Variants in COL11A1 observed in about 807,000 individuals in gnomAD.
COL11A1 encodes the protein collagen alpha-1(XI) chain.
Under a neutral mutation model 265.2 loss-of-function variants are expected in COL11A1, and 74 were observed. That is an observed-to-expected ratio of 0.28 (90% CI 0.23 to 0.34). COL11A1 has a LOEUF of 0.34. COL11A1 is among the 10% of genes least tolerant of loss of function. The pLI is 1.00. For synonymous variants in COL11A1, 816 were observed against 727.6 expected (o/e 1.12, Z -1.96); for missense variants, 2,165 against 2,263.6 (o/e 0.96, Z 0.88).
At chr1:102,924,489 T>G (rs1412568684) in intron 46 of COL11A1, among the ~76,000 whole-genome samples, 1 of 152,220 alleles carries the variant, frequency 6.6e-6, no homozygotes, top group Admixed American at 6.5e-5. Flanking sequence ...ATAAATTTTC[T>G]TATGTCACTT....
At chr1:102,908,218 AT>A (rs893169645) in intron 54 of COL11A1, among the ~76,000 whole-genome samples, 4 of 151,848 alleles carry the variant, frequency 2.6e-5, no homozygotes, top group African/African-American at 7.3e-5. Context: ...CCTTTGGCAT[AT>A]TTTTTTCTAT....
Position 103,108,457 on chromosome 1 carries a change from C to G in COL11A1, c.-279G>C. The G allele has an allele frequency of 3.3e-6, 2 of 599,044 alleles. No individual in the cohort carries two copies. Among genetic ancestry groups the G allele is most frequent in the South Asian group, 2.0e-5 (1 of 49,136 alleles). The allele number at this position is 599,044 out of a possible 1,614,324, so 37.1% of individuals were successfully genotyped here. On this transcript the variant is annotated 5_prime_UTR_variant, in exon 1 of 67. Coordinates refer to ENST00000370096, the MANE Select transcript of COL11A1 (RefSeq NM_001854.4). ...CCGGGCCCTGCCTTCAGAATGAAGG[C>G]AGATGAGGGGCTTCCACCAACAAGC...
At chr1:103,100,873 A>T (rs1168189055) in intron 1 of COL11A1, among the ~76,000 whole-genome samples, 1 of 151,912 alleles carries the variant, frequency 6.6e-6, no homozygotes. Flanking sequence ...CATGGGTAAA[A>T]TCAGTATTTT....
chr1:102,934,440 T>A lies in COL11A1; in HGVS notation c.3600+9A>T. The A allele has an allele frequency of 1.9e-6, 3 of 1,577,532 alleles. No individual in the cohort carries two copies. The highest frequency in any genetic ancestry group is 8.7e-7 in the Non-Finnish European group (1 of 1,146,712). Reference sequence around the variant, plus strand: ...AATGATGGAGTAAACAATGACAGGATCATCTTACCTGAAGACCTATTGGAC... The same window carrying A: ...AATGATGGAGTAAACAATGACAGGAACATCTTACCTGAAGACCTATTGGAC... On this transcript the variant is annotated intron_variant, in intron 46 of 66. Coordinates refer to ENST00000370096, the MANE Select transcript of COL11A1 (RefSeq NM_001854.4).
rs1020237120 is a variant in COL11A1, at chr1:102,940,558, A to G, written c.3277-124T>C. On this transcript the variant is annotated intron_variant, in intron 42 of 66. Coordinates refer to ENST00000370096, the MANE Select transcript of COL11A1 (RefSeq NM_001854.4). ...GTTTTTTAGAAAAACATTTTAAAGA[A>G]TAAATGATACATGTTCCCTACCTTC... 5 of 721,800 alleles carry G rather than the reference A, an allele frequency of 6.9e-6. No homozygotes were observed. The East Asian group carries it at 1.3e-4, about 19-fold the overall frequency. 44.7% of individuals were successfully genotyped at this position (721,800 alleles called of 1,614,324 possible).
chr1:102,881,796 T>A (rs773568257), intron 64 of COL11A1, 31 bp from the exon 65 acceptor site: 18 of 1,545,728 alleles, frequency 1.2e-5, no homozygotes, highest in Non-Finnish European at 1.6e-5. Flanking sequence ...AGTTAGTGAG[T>A]AGGTGAAAAT....
At chr1:102,878,418 CTT>C (rs966851300) in intron 66 of COL11A1, among the ~76,000 whole-genome samples, 4 of 132,616 alleles carry the variant, frequency 3.0e-5, no homozygotes, top group African/African-American at 5.5e-5. Flanking sequence ...TAAAAAGAGT[CTT>C]GAGTTTCATA....
At chr1:103,023,691 A>G (rs1033799690) in intron 7 of COL11A1, among the ~76,000 whole-genome samples, 2 of 152,146 alleles carry the variant, frequency 1.3e-5, no homozygotes, top group Non-Finnish European at 2.9e-5. Context: ...ACAGAACATC[A>G]TTATGAAATA....
intron 1 of COL11A1, among the ~76,000 whole-genome samples, chr1:103,084,857 G>A (rs1010403541): frequency 2.0e-5 from 3 of 152,144 alleles, no homozygotes; most frequent in African/African-American, 4.8e-5. Context: ...ATATAAACCA[G>A]AGTTAAGTTC....
chr1:102,879,358 A>T (rs778404238), intron 66 of COL11A1, among the ~76,000 whole-genome samples: 2 of 152,188 alleles, frequency 1.3e-5, no homozygotes, highest in East Asian at 3.9e-4. Flanking sequence ...TAAGGAGGCA[A>T]ATGAAATAAG....
Position 103,085,779 on chromosome 1 carries a change from T to C in COL11A1, c.107-2807A>G, listed in dbSNP as rs190839204. 2.2e-3 allele frequency among the ~76,000 whole-genome samples: 330 copies of C among 152,334 alleles called. 2 individuals carry two copies. Among genetic ancestry groups the C allele is most frequent in the Non-Finnish European group, 2.6e-3 (179 of 68,028 alleles). On this transcript the variant is annotated intron_variant, in intron 1 of 66. Transcript: ENST00000370096. ...TATGTTTTTAAGCCAATAGGATATC[T>C]GTTTTATATGTGTTATTTTCTCTTA...
At chr1:102,962,305 C>T (rs1342336509) in intron 39 of COL11A1, 40 bp from the exon 40 acceptor site, 2 of 1,460,882 alleles carry the variant, frequency 1.4e-6, no homozygotes, top group African/African-American at 2.8e-5. Context: ...AGATTAATTT[C>T]TACACATCTT....
At chr1:102,954,111 C>T (rs1328526106) in intron 41 of COL11A1, among the ~76,000 whole-genome samples, 1 of 152,072 alleles carries the variant, frequency 6.6e-6, no homozygotes, top group Non-Finnish European at 1.5e-5. Context: ...GAAAAGTGAA[C>T]ATTTACATGC....
rs529640514 is a variant in COL11A1, at chr1:103,003,336, A to G, written c.1945-68T>C. 9 of 1,443,548 alleles carry G rather than the reference A, an allele frequency of 6.2e-6. No homozygotes were observed. In the East Asian group the frequency reaches 1.2e-4, roughly 19 times the overall value. 89.4% of individuals were successfully genotyped at this position (1,443,548 alleles called of 1,614,324 possible). On this transcript the variant is annotated intron_variant, in intron 20 of 66. Coordinates refer to ENST00000370096, the MANE Select transcript of COL11A1 (RefSeq NM_001854.4). Reference sequence around the variant, plus strand: ...ATGTCCTAATAACATGCCTCTTTCAATGAAGAAATCCTAAGGTTATTTTTA... The same window carrying G: ...ATGTCCTAATAACATGCCTCTTTCAGTGAAGAAATCCTAAGGTTATTTTTA...
intron 14 of COL11A1, 62 bp downstream of exon 14, chr1:103,012,351 T>C (rs1425664581): frequency 2.4e-6 from 3 of 1,228,938 alleles, no homozygotes; most frequent in African/African-American, 1.5e-5. Flanking sequence ...CTGGAAGAAG[T>C]TGCACAGGGA....
Position 102,886,750 on chromosome 1 carries a change from G to A in COL11A1, c.4858+57C>T, listed in dbSNP as rs1300941963. On this transcript the variant is annotated intron_variant, in intron 63 of 66. Transcript: ENST00000370096. ...TAACTAGAATGAATGAGCTGCCAATGCACCTCAGAAACTCAGGGGCTCGGT... is the reference window on the plus strand; with the variant it reads ...TAACTAGAATGAATGAGCTGCCAATACACCTCAGAAACTCAGGGGCTCGGT... 3.1e-6 allele frequency: 5 copies of A among 1,608,376 alleles called. No homozygotes were observed. In the East Asian group the frequency reaches 1.1e-4, roughly 36 times the overall value.
chr1:102,917,802 G>T (rs531451519), intron 49 of COL11A1, among the ~76,000 whole-genome samples: 1 of 151,644 alleles, frequency 6.6e-6, no homozygotes, highest in South Asian at 2.1e-4. Context: ...AATGCTTGAG[G>T]TGATAAAAAA....
chr1:102,984,288 G>T, intron 30 of COL11A1, 97 bp from the exon 31 acceptor site: 2 of 752,694 alleles, frequency 2.7e-6, no homozygotes, highest in Non-Finnish European at 4.3e-6. Context: ...ATCACATATT[G>T]TACACTCAAA....
intron 4 of COL11A1, among the ~76,000 whole-genome samples, chr1:103,051,928 A>T (rs761777352): frequency 3.9e-4 from 59 of 152,234 alleles, no homozygotes; most frequent in Non-Finnish European, 6.8e-4. Flanking sequence ...CATAAGTAAT[A>T]TGAAAGATAG....
Sources: allele counts gnomAD v4.1 joint callset (sites outside exome capture counted in the v4.1 genomes callset), GRCh38; gene constraint gnomAD v4.1.1; transcripts MANE v1.5; gene names NCBI Gene and HGNC (gene_info 2026-07-23, HGNC 2026-07-21).